The following SGCD variants were observed in gnomAD, a reference collection of about 807,000 sequenced individuals.
SGCD encodes the protein sarcoglycan delta.
Under a neutral mutation model 36.6 loss-of-function variants are expected in SGCD, and 18 were observed. The observed-to-expected ratio is 0.49, with a 90% CI of 0.34 to 0.73. SGCD has a LOEUF of 0.73. SGCD is among the 30% of genes least tolerant of loss of function. SGCD has a pLI of 0.01. For synonymous variants in SGCD, 133 were observed against 130.6 expected (o/e 1.02, Z -0.12); for missense variants, 387 against 346.7 (o/e 1.12, Z -0.92).
At chr5:156,729,254 A>G (rs1487852561) in intron 7 of SGCD, among the ~76,000 whole-genome samples, 2 of 152,228 alleles carry the variant, frequency 1.3e-5, no homozygotes, top group Admixed American at 1.3e-4. Context: ...ACACAATTAC[A>G]TGCGAAGCTT....
At chr5:156,105,981 A>C (rs1761636385) in intron 1 of SGCD, among the ~76,000 whole-genome samples, 1 of 151,498 alleles carries the variant, frequency 6.6e-6, no homozygotes, top group African/African-American at 2.4e-5. Flanking sequence ...TGTGGTGACA[A>C]GCGCCTGTAA....
intron 1 of SGCD, among the ~76,000 whole-genome samples, chr5:156,029,686 A>T (rs1023805438): frequency 2.0e-5 from 3 of 152,162 alleles, no homozygotes; most frequent in African/African-American, 7.2e-5. Flanking sequence ...ATGATCACTG[A>T]ACTAACAAAA....
chr5:156,214,896 G>A (rs1764535338), intron 3 of SGCD, among the ~76,000 whole-genome samples: 1 of 152,068 alleles, frequency 6.6e-6, no homozygotes, highest in Non-Finnish European at 1.5e-5. Flanking sequence ...ATATCCACAT[G>A]TAGAAGAATG....
the SGCD span, among the ~76,000 whole-genome samples, chr5:155,829,448 T>G: frequency 6.6e-6 from 1 of 152,160 alleles, no homozygotes; most frequent in Non-Finnish European, 1.5e-5. Flanking sequence ...ACTATGCTCT[T>G]CTCTCATCTC....
chr5:156,575,599 CTAT>C (rs557437988), intron 4 of SGCD, among the ~76,000 whole-genome samples: 59 of 152,170 alleles, frequency 3.9e-4, no homozygotes, highest in Non-Finnish European at 7.5e-4. Flanking sequence ...CCAACAAGTT[CTAT>C]TGAGAGTCCA....
the SGCD span, among the ~76,000 whole-genome samples, chr5:155,829,235 C>A: frequency 1.3e-5 from 2 of 152,074 alleles, no homozygotes; most frequent in African/African-American, 4.8e-5. Context: ...AATAAATATT[C>A]TATATAGTGC....
chr5:156,626,543 C>T (rs779881370), intron 6 of SGCD, among the ~76,000 whole-genome samples: 26 of 152,182 alleles, frequency 1.7e-4, no homozygotes, highest in Admixed American at 6.5e-5. Flanking sequence ...CTGTTCAGAG[C>T]AGTGTGAGCA....
intron 1 of SGCD, among the ~76,000 whole-genome samples, chr5:155,980,305 G>T (rs568741477): frequency 6.6e-6 from 1 of 152,168 alleles, no homozygotes; most frequent in African/African-American, 2.4e-5. Context: ...GTTCTTATTG[G>T]CCAGGAGCGG....
At chr5:155,796,802 A>G in the SGCD span, among the ~76,000 whole-genome samples, 7 of 112,430 alleles carry the variant, frequency 6.2e-5, no homozygotes, top group African/African-American at 2.4e-4. Flanking sequence ...GTGAAACTCC[A>G]TCTCAAAAAA....
chr5:156,644,293 A>AT (rs2113574916), intron 6 of SGCD, among the ~76,000 whole-genome samples: 1 of 152,130 alleles, frequency 6.6e-6, no homozygotes, highest in Admixed American at 6.5e-5. Flanking sequence ...GCAAATCTGT[A>AT]TTTTTCTTTC....
rs897685343 is a variant in SGCD at position 156,761,209 on chromosome 5, C to T, written c.*1819C>T. On this transcript the variant is annotated 3_prime_UTR_variant, in exon 9 of 9. Transcript: ENST00000337851. Reference sequence around the variant, plus strand: ...GATTTGCACACATGGGATGTAAAAGCAAGCTGTGTGTTGCTTAGTCACTTA... The same window carrying T: ...GATTTGCACACATGGGATGTAAAAGTAAGCTGTGTGTTGCTTAGTCACTTA... 6.6e-6 allele frequency: 1 copy of T among 152,178 alleles called. No individual in the cohort carries two copies. The highest frequency in any genetic ancestry group is 2.4e-5 in the African/African-American group (1 of 41,452). The allele number at this position is 152,178 out of a possible 1,614,324, so 9.4% of individuals were successfully genotyped here. A position where few individuals can be genotyped will look rare whatever the true frequency, so the allele number is the denominator to read the frequency against.
At chr5:156,004,600 A>G (rs1341998788) in intron 1 of SGCD, among the ~76,000 whole-genome samples, 4 of 152,224 alleles carry the variant, frequency 2.6e-5, no homozygotes, top group African/African-American at 9.6e-5. Context: ...TTAAAGCCCA[A>G]GTACTTTCAA....
chr5:155,979,103 T>C (rs1758177217), intron 1 of SGCD, among the ~76,000 whole-genome samples: 1 of 152,148 alleles, frequency 6.6e-6, no homozygotes, highest in Non-Finnish European at 1.5e-5. Flanking sequence ...TGCAAGAAAC[T>C]TGTGATTCCA....
chr5:156,109,108 T>C (rs1761721511), intron 1 of SGCD, among the ~76,000 whole-genome samples: 2 of 152,156 alleles, frequency 1.3e-5, no homozygotes, highest in African/African-American at 4.8e-5. Context: ...AAGCAGCTCA[T>C]GAAATTCCTG....
At chr5:156,673,778 A>C (rs1753400341) in intron 7 of SGCD, among the ~76,000 whole-genome samples, 1 of 152,246 alleles carries the variant, frequency 6.6e-6, no homozygotes, top group Non-Finnish European at 1.5e-5. Flanking sequence ...GAAATAGCTT[A>C]AAACTTAATT....
At chr5:155,826,876 A>G in the SGCD span, among the ~76,000 whole-genome samples, 1 of 152,332 alleles carries the variant, frequency 6.6e-6, no homozygotes, top group East Asian at 1.9e-4. Context: ...AAGGGCTACA[A>G]CCAGTCTGCA....
intron 4 of SGCD, among the ~76,000 whole-genome samples, chr5:156,520,843 C>A (rs752624163): frequency 2.6e-5 from 4 of 151,846 alleles, no homozygotes; most frequent in Non-Finnish European, 4.4e-5. Flanking sequence ...CAGTGAAACC[C>A]CATCTCTACT....
chr5:155,788,315 A>G, the SGCD span, among the ~76,000 whole-genome samples: 12 of 152,244 alleles, frequency 7.9e-5, no homozygotes, highest in East Asian at 2.3e-3. Context: ...GAAGGATTTT[A>G]AACGTTAAAA....
At chr5:155,966,301 G>T (rs1466394218) in intron 1 of SGCD, among the ~76,000 whole-genome samples, 1 of 152,112 alleles carries the variant, frequency 6.6e-6, no homozygotes, top group African/African-American at 2.4e-5. Flanking sequence ...GATTTGATGT[G>T]CTGGGTTCAG....
Sources: gnomAD v4.1 joint callset for allele counts (sites outside exome capture counted in the v4.1 genomes callset) on GRCh38, gnomAD v4.1.1 for gene constraint, MANE v1.5 for transcripts, NCBI Gene and HGNC (gene_info 2026-07-23, HGNC 2026-07-21) for gene names.